The following RABGAP1L variants were observed in gnomAD, a reference collection of about 807,000 sequenced individuals.
RABGAP1L encodes RAB GTPase activating protein 1 like.
In RABGAP1L, 63 loss-of-function variants were observed where a neutral mutation model predicts 137.7. The ratio of observed to expected loss-of-function variants is 0.46; its 90% CI spans 0.37 to 0.56. RABGAP1L has a LOEUF of 0.56. RABGAP1L is among the 20% of genes least tolerant of loss of function. The probability of loss-of-function intolerance (pLI) is 0.00; values close to 1 mark genes in which losing one functional copy is unlikely to be tolerated. For synonymous variants in RABGAP1L, 431 were observed against 433.7 expected, an observed-to-expected ratio of 0.99 and a Z score of 0.08; for missense variants, 1,095 against 1,244.0, an observed-to-expected ratio of 0.88 and a Z score of 1.80.
At chr1:174,546,363 G>A (rs918580692) in intron 13 of RABGAP1L, among the ~76,000 whole-genome samples, 4 of 152,064 alleles carry the variant, frequency 2.6e-5, no homozygotes, top group African/African-American at 7.2e-5. Context: ...AGCCTATTAG[G>A]TATAAATATA....
chr1:174,981,550 CTTTTTTTTTTTTT>C (rs10556099), intron 23 of RABGAP1L, among the ~76,000 whole-genome samples: 17 of 66,434 alleles, frequency 2.6e-4, no homozygotes, highest in South Asian at 6.6e-4. Flanking sequence ...GTTTTTCCAT[CTTTTTTTTTTTTT>C]TTTTTTTTTT....
chr1:174,692,005 T>C (rs1241973446), intron 15 of RABGAP1L, among the ~76,000 whole-genome samples: 1 of 152,202 alleles, frequency 6.6e-6, no homozygotes, highest in Non-Finnish European at 1.5e-5. Context: ...AAGCTTTTTA[T>C]ATTTAGCATT....
chr1:174,503,054 A>G (rs1391283148), intron 13 of RABGAP1L, among the ~76,000 whole-genome samples: 1 of 152,156 alleles, frequency 6.6e-6, no homozygotes, highest in Non-Finnish European at 1.5e-5. Flanking sequence ...GACCATGGGC[A>G]TATGTGTTGG....
Position 174,231,166 on chromosome 1 carries a change from C to G in RABGAP1L, c.353C>G (p.Ser118Cys). The G allele has an allele frequency of 6.2e-7, 1 of 1,612,336 alleles. No individual in the cohort carries two copies. The highest frequency in any genetic ancestry group is 8.5e-7 in the Non-Finnish European group (1 of 1,178,924). Residue 118 changes from serine (S) to cysteine (C), a missense_variant, in exon 4 of 26, where the codon TCT becomes TGT. Ser to Cys is a moderately radical substitution (Grantham distance 112). This residue lies in a region of RABGAP1L where 356 missense variants were observed against 326.3 expected (regional missense o/e 1.09). Coordinates refer to ENST00000681986, the MANE Select transcript of RABGAP1L (RefSeq NM_001366446.1). Reference sequence around the variant, plus strand: ...TCAGAAATTTCTACACCCAGACCATCTTCTCCAGGTGGACTACCTGAAGAA... The same window carrying G: ...TCAGAAATTTCTACACCCAGACCATGTTCTCCAGGTGGACTACCTGAAGAA... ...SNTEISTPRPSSPGGLPEEDS... is the reference protein window; with the variant it reads ...SNTEISTPRPCSPGGLPEEDS...
At chr1:174,850,205 C>T (rs568324497) in intron 19 of RABGAP1L, 40 of 350,058 alleles carry the variant, frequency 1.1e-4, no homozygotes, top group South Asian at 7.1e-4. Context: ...TTACGCCACA[C>T]GTGGGAACAC....
At chr1:174,810,167 A>G (rs921087870) in intron 18 of RABGAP1L, among the ~76,000 whole-genome samples, 1 of 152,224 alleles carries the variant, frequency 6.6e-6, no homozygotes, top group Non-Finnish European at 1.5e-5. Context: ...GAGAGATGAA[A>G]GTAGATTTCA....
chr1:174,463,487 G>T lies in RABGAP1L; in HGVS notation c.1710+69342G>T, dbSNP rs567757643. 6.0e-5 allele frequency among the ~76,000 whole-genome samples: 8 copies of T among 133,386 alleles called. No homozygotes were observed. In the South Asian group the frequency reaches 1.6e-3, roughly 27 times the overall value. 87.5% of individuals were successfully genotyped at this position (133,386 alleles called of 152,430 possible). On this transcript the variant is annotated intron_variant, in intron 13 of 25. Coordinates refer to ENST00000681986, the MANE Select transcript of RABGAP1L (RefSeq NM_001366446.1). ...TGAGATCACATGGACACAGGAAGGG[G>T]AACATCACACTCTGGGGACTGTTGT...
chr1:174,293,774 A>G (rs767562924), intron 10 of RABGAP1L, among the ~76,000 whole-genome samples: 3 of 152,184 alleles, frequency 2.0e-5, no homozygotes, highest in Non-Finnish European at 4.4e-5. Flanking sequence ...ACACTTATTG[A>G]GTGCCTACAG....
intron 13 of RABGAP1L, among the ~76,000 whole-genome samples, chr1:174,617,115 C>A (rs1671960497): frequency 6.6e-6 from 1 of 152,106 alleles, no homozygotes; most frequent in South Asian, 2.1e-4. Flanking sequence ...CCTGAGTCTT[C>A]CAGTTCTTAG....
At chr1:174,612,788 A>G (rs1487316853) in intron 13 of RABGAP1L, among the ~76,000 whole-genome samples, 1 of 152,056 alleles carries the variant, frequency 6.6e-6, no homozygotes, top group Non-Finnish European at 1.5e-5. Context: ...GTCTTGGGAG[A>G]GTGTACGTGT....
At chr1:174,331,368 A>G (rs1681014922) in intron 11 of RABGAP1L, among the ~76,000 whole-genome samples, 2 of 152,256 alleles carry the variant, frequency 1.3e-5, no homozygotes, top group Non-Finnish European at 2.9e-5. Context: ...CTGCACAGCA[A>G]GGAAAAAATC....
At chr1:174,989,753 C>T in intron 25 of RABGAP1L, 96 bp from the exon 26 acceptor site, 1 of 1,355,344 alleles carries the variant, frequency 7.4e-7, no homozygotes, top group Non-Finnish European at 9.9e-7. Flanking sequence ...ATTGGCAGCA[C>T]ATACCTTGAG....
At chr1:174,986,142 G>C (rs914024610) in intron 24 of RABGAP1L, among the ~76,000 whole-genome samples, 79 of 152,072 alleles carry the variant, frequency 5.2e-4, no homozygotes, top group African/African-American at 1.9e-3. Context: ...AAAATACATG[G>C]TTTCACCATG....
At chr1:174,529,173 G>A (rs539360357) in intron 13 of RABGAP1L, among the ~76,000 whole-genome samples, 1 of 151,578 alleles carries the variant, frequency 6.6e-6, no homozygotes, top group African/African-American at 2.4e-5. Context: ...GGGAATTATT[G>A]TGTTTCTTTG....
At chr1:174,838,917 CAAAAAAAAAAAAAAAAAAAAAAA>C (rs58265128) in intron 19 of RABGAP1L, among the ~76,000 whole-genome samples, 5 of 22,456 alleles carry the variant, frequency 2.2e-4, no homozygotes, top group East Asian at 3.1e-3. Flanking sequence ...GACTCCGTCT[CAAAAAAAAAAAAAAAAAAAAAAA>C]AAAAAAAAAA....
At chr1:174,389,775 A>G (rs1039325137) in intron 12 of RABGAP1L, among the ~76,000 whole-genome samples, 1 of 152,170 alleles carries the variant, frequency 6.6e-6, no homozygotes, top group Non-Finnish European at 1.5e-5. Flanking sequence ...ATATATAAGT[A>G]AAGAAGACAA....
chr1:174,316,158 T>C (rs1679360233), intron 11 of RABGAP1L, among the ~76,000 whole-genome samples: 1 of 152,244 alleles, frequency 6.6e-6, no homozygotes, highest in South Asian at 2.1e-4. Context: ...ATCTTGAATT[T>C]CTTTGATTTT....
intron 1 of RABGAP1L, among the ~76,000 whole-genome samples, chr1:174,175,759 GGGA>G (rs1665794862): frequency 6.6e-6 from 1 of 151,612 alleles, no homozygotes; most frequent in Non-Finnish European, 1.5e-5. Context: ...CTGAGTAGCT[GGGA>G]TTACAGGCAC....
At chr1:174,551,758 A>G (rs1666562197) in intron 13 of RABGAP1L, among the ~76,000 whole-genome samples, 1 of 65,728 alleles carries the variant, frequency 1.5e-5, no homozygotes. Context: ...CTATTTTTGG[A>G]AAAAAAAATT....
Sources: gnomAD v4.1 joint callset for allele counts (sites outside exome capture counted in the v4.1 genomes callset) on GRCh38, gnomAD v4.1.1 for gene constraint, gnomAD v4.1.1 regional missense constraint, MANE v1.5 for transcripts, NCBI Gene and HGNC (gene_info 2026-07-23, HGNC 2026-07-21) for gene names.